The following PTPA variants were observed in gnomAD, a reference collection of about 807,000 sequenced individuals.
PTPA encodes serine/threonine-protein phosphatase 2A activator.
Under a neutral mutation model 43.6 loss-of-function variants are expected in PTPA, and 13 were observed. The observed-to-expected ratio is 0.30, with a 90% CI of 0.19 to 0.47. The LOEUF is 0.47. PTPA is among the 20% of genes least tolerant of loss of function. The probability of loss-of-function intolerance (pLI) is 0.99; values close to 1 mark genes in which losing one functional copy is unlikely to be tolerated. For synonymous variants in PTPA, 172 were observed against 158.2 expected (o/e 1.09, Z -0.66); for missense variants, 329 against 411.9 (o/e 0.80, Z 1.74).
At chr9:129,133,872 G>A (rs1850161230) in intron 5 of PTPA, among the ~76,000 whole-genome samples, 1 of 152,200 alleles carries the variant, frequency 6.6e-6, no homozygotes, top group South Asian at 2.1e-4. Flanking sequence ...CTTGCCTCAA[G>A]GCCTGTGCAC....
chr9:129,136,331 T>TA, intron 6 of PTPA, 140 bp from the exon 7 acceptor site: 3 of 1,000,230 alleles, frequency 3.0e-6, no homozygotes, highest in Non-Finnish European at 4.2e-6. Context: ...TTGGGGGAAA[T>TA]AAAGCTACAT....
intron 6 of PTPA, among the ~76,000 whole-genome samples, chr9:129,136,208 C>T (rs1167089882): frequency 3.3e-5 from 5 of 152,180 alleles, no homozygotes; most frequent in African/African-American, 9.7e-5. Flanking sequence ...ACCTTGTGAT[C>T]CGCCTGCCTC....
chr9:129,134,026 C>T (rs1484525752), intron 5 of PTPA, among the ~76,000 whole-genome samples: 1 of 152,178 alleles, frequency 6.6e-6, no homozygotes, highest in African/African-American at 2.4e-5. Flanking sequence ...CTGTGATATC[C>T]TCCAGTTAGT....
intron 2 of PTPA, 64 bp downstream of exon 2, chr9:129,120,674 C>T (rs774060060): frequency 2.1e-5 from 30 of 1,444,412 alleles, no homozygotes; most frequent in African/African-American, 9.9e-5. Flanking sequence ...CCTAGCATGA[C>T]GGGCGGTGAG....
chr9:129,125,451 C>T (rs1849515420), intron 3 of PTPA, among the ~76,000 whole-genome samples: 1 of 152,032 alleles, frequency 6.6e-6, no homozygotes, highest in Admixed American at 6.6e-5. Flanking sequence ...GGGGTTTCAC[C>T]ATGTTGGGCA....
chr9:129,145,149 G>C (rs1010275286), intron 9 of PTPA, among the ~76,000 whole-genome samples: 1 of 152,066 alleles, frequency 6.6e-6, no homozygotes, highest in Non-Finnish European at 1.5e-5. Context: ...TGGCCAACAC[G>C]GTGAAACACT....
At chr9:129,116,634 C>T (rs12000421) in intron 1 of PTPA, among the ~76,000 whole-genome samples, 5,725 of 152,284 alleles carry the variant, frequency 0.038, 342 homozygotes, top group African/African-American at 0.13. Flanking sequence ...ATCCGCCCGC[C>T]TCGGCCTCCC....
At chr9:129,123,195 T>C in intron 3 of PTPA, 57 bp downstream of exon 3, 1 of 1,436,210 alleles carries the variant, frequency 7.0e-7, no homozygotes, top group East Asian at 2.3e-5. Flanking sequence ...CCAGAGTCAC[T>C]GGGTGCGGTG....
rs17486289 is a variant in PTPA at position 129,122,241 on chromosome 9, C to T, written c.130-811C>T. Among the ~76,000 whole-genome samples, 426 of 152,148 alleles carry T rather than the reference C, an allele frequency of 2.8e-3. 2 individuals carry two copies. Among genetic ancestry groups the T allele is most frequent in the African/African-American group, 9.7e-3 (404 of 41,510 alleles). On this transcript the variant is annotated intron_variant, in intron 2 of 9. Coordinates refer to ENST00000393370, the MANE Select transcript of PTPA (RefSeq NM_178000.3). The stretch of plus-strand genomic sequence containing the variant: ...CCTCAGCCACCTGAGTAGCTGGGAC[C>T]ACAGGCACGTACCACCACACCTGGC...
At position 129,144,306 on chromosome 9, in the gene PTPA, C is replaced by G. The variant is rs543384211; in HGVS notation, c.894+1754C>G. On this transcript the variant is annotated intron_variant, in intron 9 of 9. Coordinates refer to ENST00000393370, the MANE Select transcript of PTPA (RefSeq NM_178000.3). ...CAGGGTGGCAAACACAAAGAGGACA[C>G]TGAAAATGACCAACTCAGGATGGGG... Among the ~76,000 whole-genome samples the G allele has an allele frequency of 6.6e-5, 10 of 152,082 alleles. No homozygotes were observed. In the East Asian group the frequency reaches 7.8e-4, roughly 12 times the overall value.
upstream of PTPA, chr9:129,110,972 G>A (rs776024064): frequency 1.8e-5 from 24 of 1,371,404 alleles, no homozygotes; most frequent in African/African-American, 5.9e-5. The surrounding 1 kb of genome is among the most constrained non-coding windows in gnomAD (Gnocchi z 5.3). Context: ...GGAGGAGGAA[G>A]GAGGAGGTCA....
intron 2 of PTPA, among the ~76,000 whole-genome samples, chr9:129,120,827 C>T (rs578083914): frequency 2.0e-5 from 3 of 152,280 alleles, no homozygotes; most frequent in Admixed American, 1.3e-4. Flanking sequence ...AGGCTGCTGC[C>T]AGGGTAGCCC....
At chr9:129,126,949 T>TG (rs1450327929) in intron 3 of PTPA, among the ~76,000 whole-genome samples, 1 of 152,158 alleles carries the variant, frequency 6.6e-6, no homozygotes, top group Non-Finnish European at 1.5e-5. Context: ...CTGAGATCCC[T>TG]GGGGAATCTG....
At chr9:129,118,604 C>G (rs1849047146) in intron 1 of PTPA, among the ~76,000 whole-genome samples, 1 of 151,488 alleles carries the variant, frequency 6.6e-6, no homozygotes, top group African/African-American at 2.4e-5. Context: ...AACTCCTGAC[C>G]TCAGGTGTGA....
chr9:129,129,198 G>A (rs945445114), intron 4 of PTPA, 88 bp downstream of exon 4: 6 of 1,490,722 alleles, frequency 4.0e-6, no homozygotes, highest in South Asian at 3.7e-5. Context: ...ATTGTATAGC[G>A]CTTCTAGGCA....
intron 3 of PTPA, chr9:129,128,010 G>A (rs2131579266): frequency 1.1e-5 from 15 of 1,347,728 alleles, no homozygotes; most frequent in Non-Finnish European, 1.5e-5. Context: ...GCAAAGCAGA[G>A]TGTGTCCTGC....
chr9:129,123,192 C>A, intron 3 of PTPA, 54 bp downstream of exon 3: 1 of 1,478,766 alleles, frequency 6.8e-7, no homozygotes, highest in South Asian at 1.1e-5. Context: ...GCTCCAGAGT[C>A]ACTGGGTGCG....
At position 129,136,727 on chromosome 9, in the gene PTPA, G is replaced by C. The variant is rs532642140; in HGVS notation, c.685+132G>C. 1.4e-4 allele frequency: 163 copies of C among 1,205,410 alleles called. No homozygotes were observed. The African/African-American group carries it at 2.3e-3, about 17-fold the overall frequency. The allele number at this position is 1,205,410 out of a possible 1,614,324, so 74.7% of individuals were successfully genotyped here. On this transcript the variant is annotated intron_variant, in intron 7 of 9. Coordinates refer to ENST00000393370, the MANE Select transcript of PTPA (RefSeq NM_178000.3). ...CAGACAGTGACAGCTTGGAAAGCAG[G>C]GCATTAGACCAGCTATTGAGGGAGG...
chr9:129,120,287 G>A (rs1849163639), intron 1 of PTPA, among the ~76,000 whole-genome samples: 1 of 151,918 alleles, frequency 6.6e-6, no homozygotes, highest in Non-Finnish European at 1.5e-5. Flanking sequence ...AGCTGGGTGT[G>A]GTGGCACGTG....
Sources: gnomAD v4.1 joint callset for allele counts (sites outside exome capture counted in the v4.1 genomes callset) on GRCh38, gnomAD v4.1.1 for gene constraint, Gnocchi (gnomAD v3.1) non-coding constraint, MANE v1.5 for transcripts, NCBI Gene and HGNC (gene_info 2026-07-23, HGNC 2026-07-21) for gene names.